COL15A1: variants seen among roughly 807,000 people sequenced by gnomAD.
COL15A1 encodes the protein collagen type XV alpha 1 chain, also known as collagen alpha-1(XV) chain.
In COL15A1, 111 loss-of-function variants were observed where a neutral mutation model predicts 165.9. The observed-to-expected ratio is 0.67, with a 90% CI of 0.57 to 0.78. The LOEUF (loss-of-function observed/expected upper bound fraction) is 0.78. Among genes scored for constraint, COL15A1 ranks in the 30% least tolerant of loss-of-function variants. The pLI, the probability that COL15A1 is intolerant of heterozygous loss-of-function variation, is 0.00. For synonymous variants in COL15A1, 659 were observed against 674.8 expected, an observed-to-expected ratio of 0.98 and a Z score of 0.36; for missense variants, 1,745 against 1,789.7, an observed-to-expected ratio of 0.98 and a Z score of 0.45.
In COL15A1 at chr9:99,004,934, G is replaced by T; in HGVS notation, c.1237G>T (p.Ala413Ser). 1.2e-6 allele frequency: 2 copies of T among 1,614,120 alleles called. No homozygotes were observed. The highest frequency in any genetic ancestry group is 1.7e-6 in the Non-Finnish European group (2 of 1,179,986). The change falls in exon 9 of 42, where the codon GCA becomes TCA. Residue 413 changes from alanine (A) to serine (S), a missense_variant. Physicochemically the swap from Ala to Ser is moderately conservative, Grantham distance 99. Transcript: ENST00000375001. The part of the protein sequence containing the change: ...DNEERLAATA[A>S]GEAEALASMP... ...TGAAGAGCGTTTAGCAGCAACAGCAGCAGGGGAGGCCGAGGCACTCGCCAG... is the reference window on the plus strand; with the variant it reads ...TGAAGAGCGTTTAGCAGCAACAGCATCAGGGGAGGCCGAGGCACTCGCCAG...
chr9:99,058,284 C>A (rs951851871), intron 35 of COL15A1, among the ~76,000 whole-genome samples: 1 of 152,114 alleles, frequency 6.6e-6, no homozygotes, highest in African/African-American at 2.4e-5. Flanking sequence ...GGTGAGGTAC[C>A]CAATCTTGGA....
chr9:99,055,473 G>A (rs1299354317), intron 34 of COL15A1, 101 bp downstream of exon 34: 4 of 715,014 alleles, frequency 5.6e-6, no homozygotes, highest in South Asian at 3.3e-5. Context: ...TGTACTATAA[G>A]CTGGAGGCAG....
intron 2 of COL15A1, among the ~76,000 whole-genome samples, chr9:98,983,781 T>C (rs1838266404): frequency 6.6e-6 from 1 of 152,238 alleles, no homozygotes; most frequent in Non-Finnish European, 1.5e-5. Context: ...TCTCATTTAG[T>C]CATTCTTTTG....
intron 26 of COL15A1, 90 bp downstream of exon 26, chr9:99,044,860 T>G: frequency 7.9e-7 from 1 of 1,263,206 alleles, no homozygotes; most frequent in Admixed American, 1.8e-5. Flanking sequence ...GTCCCGGTTA[T>G]GAAAATTCAA....
At chr9:99,030,937 T>C (rs1839205255) in intron 16 of COL15A1, among the ~76,000 whole-genome samples, 1 of 152,200 alleles carries the variant, frequency 6.6e-6, no homozygotes, top group South Asian at 2.1e-4. Flanking sequence ...GGCTATAAAA[T>C]TGGCATCCAG....
intron 2 of COL15A1, among the ~76,000 whole-genome samples, chr9:98,980,395 A>G (rs1453420941): frequency 2.0e-5 from 3 of 152,230 alleles, no homozygotes; most frequent in Admixed American, 2.0e-4. Context: ...GCGAGATTTC[A>G]GGGGAAGCGA....
intron 2 of COL15A1, among the ~76,000 whole-genome samples, chr9:98,958,760 C>G (rs897169700): frequency 6.6e-6 from 1 of 152,072 alleles, no homozygotes; most frequent in African/African-American, 2.4e-5. Context: ...CTCTAAGATG[C>G]CCCGCACTGG....
At chr9:99,037,766 A>C (rs1379012509) in intron 21 of COL15A1, among the ~76,000 whole-genome samples, 1 of 152,192 alleles carries the variant, frequency 6.6e-6, no homozygotes, top group Non-Finnish European at 1.5e-5. Context: ...ATCTTTGAGC[A>C]GGGATTGGAA....
chr9:99,012,549 C>T (rs1348654347), intron 9 of COL15A1, among the ~76,000 whole-genome samples: 1 of 152,046 alleles, frequency 6.6e-6, no homozygotes, highest in Non-Finnish European at 1.5e-5. Flanking sequence ...CTTTTGGGCT[C>T]TGAATTTTTC....
rs954066439 is a variant in COL15A1, at chr9:99,036,297, T to C, written c.2326-16T>C. On this transcript the variant is annotated splice_polypyrimidine_tract_variant and intron_variant, in intron 20 of 41. Transcript: ENST00000375001. The stretch of plus-strand genomic sequence containing the variant: ...GTACAGTGAATTTTTTTCTCACTTC[T>C]TGCTGCTTTGACCAGGGAGAAAGGG... 14 of 1,614,192 alleles carry C rather than the reference T, an allele frequency of 8.7e-6. No individual in the cohort carries two copies. Among genetic ancestry groups the C allele is most frequent in the Non-Finnish European group, 1.1e-5 (13 of 1,180,028 alleles).
intron 22 of COL15A1, among the ~76,000 whole-genome samples, chr9:99,040,084 C>T (rs2119066038): frequency 6.6e-6 from 1 of 152,312 alleles, no homozygotes; most frequent in Admixed American, 6.5e-5. Flanking sequence ...TCTATGAAAA[C>T]CAATAATCCA....
chr9:98,989,508 G>A (rs1244808802), intron 5 of COL15A1, among the ~76,000 whole-genome samples: 2 of 152,242 alleles, frequency 1.3e-5, no homozygotes, highest in African/African-American at 2.4e-5. Context: ...AAGGGCAAAC[G>A]CTGTGCTGTA....
chr9:99,048,140 C>T, intron 28 of COL15A1, 140 bp downstream of exon 28: 1 of 699,380 alleles, frequency 1.4e-6, no homozygotes, highest in Non-Finnish European at 2.6e-6. Context: ...AAGGTCCTCC[C>T]ACCCAGCCCT....
At position 99,035,408 on chromosome 9, in the gene COL15A1, C is replaced by A. The variant is rs746015262; in HGVS notation, c.2279C>A (p.Thr760Lys). ...AATGAACCCAAACTCTCCAGACCAA[C>A]GGCTGCAATTGTAGGTCGCCTCTGA... ...LLNEPKLSRP[T>K]AAIGLKGEKG... is the part of the protein sequence containing the mutation. Residue 760 changes from threonine (T) to lysine (K), a missense_variant, in exon 19 of 42, where the codon ACG becomes AAG. Transcript: ENST00000375001. 2 of 1,614,030 alleles carry A rather than the reference C, an allele frequency of 1.2e-6. No homozygotes were observed. Among genetic ancestry groups the A allele is most frequent in the Non-Finnish European group, 8.5e-7 (1 of 1,180,040 alleles).
chr9:99,044,501 A>T, intron 24 of COL15A1, 67 bp from the exon 25 acceptor site: 3 of 1,474,044 alleles, frequency 2.0e-6, no homozygotes. Flanking sequence ...GAGTCTCTGT[A>T]CAAAACTCTC....
At chr9:99,042,831 C>T (rs999803908) in intron 24 of COL15A1, among the ~76,000 whole-genome samples, 2 of 152,162 alleles carry the variant, frequency 1.3e-5, no homozygotes, top group African/African-American at 4.8e-5. Context: ...TTAGAATTAA[C>T]TTTCCAGTTG....
At chr9:99,058,420 A>G (rs113912587) in intron 35 of COL15A1, among the ~76,000 whole-genome samples, 2,792 of 152,250 alleles carry the variant, frequency 0.018, 33 homozygotes, top group Middle Eastern at 0.034. Flanking sequence ...CCTACAAAGG[A>G]AGAAGGTGCC....
At chr9:99,047,746 T>A (rs756490931) in intron 26 of COL15A1, 40 bp from the exon 27 acceptor site, 1 of 1,608,606 alleles carries the variant, frequency 6.2e-7, no homozygotes, top group South Asian at 1.1e-5. Context: ...GAACCAAGAC[T>A]TTCTGTTCTT....
In COL15A1 at chr9:99,023,435, G is replaced by C; in HGVS notation, c.1840G>C (p.Glu614Gln). 1 of 1,425,770 alleles carries C rather than the reference G, an allele frequency of 7.0e-7. No homozygotes were observed. Among genetic ancestry groups the C allele is most frequent in the Non-Finnish European group, 9.9e-7 (1 of 1,009,206 alleles). 88.3% of individuals were successfully genotyped at this position (1,425,770 alleles called of 1,614,324 possible). A position where few individuals can be genotyped will look rare whatever the true frequency, so the allele number is the denominator to read the frequency against. ...GSGSGDLVGSEQLLRGPPGPP... is the reference protein window; with the variant it reads ...GSGSGDLVGSQQLLRGPPGPP... ...TGGCTCTGGTGACCTGGTGGGCAGT[G>C]AGCAGCTGCTGAGAGTGAGTGTGAA... is the stretch of plus-strand genomic sequence containing the variant. The change falls in exon 14 of 42, where the codon GAG becomes CAG. Residue 614 changes from glutamate to glutamine, a missense_variant. By Grantham distance (29) the Glu-to-Gln change is conservative. Coordinates refer to ENST00000375001, the MANE Select transcript of COL15A1 (RefSeq NM_001855.5).
Sources: allele counts gnomAD v4.1 joint callset (sites outside exome capture counted in the v4.1 genomes callset), GRCh38; gene constraint gnomAD v4.1.1; transcripts MANE v1.5; gene names NCBI Gene and HGNC (gene_info 2026-07-23, HGNC 2026-07-21).